FBLN5: variants seen among roughly 807,000 people sequenced by gnomAD.
The protein encoded by FBLN5 is fibulin 5.
Under a neutral mutation model 61.6 loss-of-function variants are expected in FBLN5, and 24 were observed. The observed-to-expected ratio is 0.39, with a 90% confidence interval of 0.28 to 0.55. The LOEUF (loss-of-function observed/expected upper bound fraction) is 0.55. Ranked by LOEUF, FBLN5 falls within the 20% of genes least tolerant of loss-of-function variation. The pLI is 0.65. For missense variants in FBLN5, 470 were observed against 594.1 expected, an observed-to-expected ratio of 0.79 and a Z score of 2.17; for synonymous variants, 213 against 219.8, an observed-to-expected ratio of 0.97 and a Z score of 0.27.
At chr14:91,879,321 T>C (rs2430343) in intron 9 of FBLN5, among the ~76,000 whole-genome samples, 101,789 of 152,028 alleles carry the variant, frequency 0.67, 34,498 homozygotes, top group Admixed American at 0.78. Context: ...TGGCCGGAAG[T>C]ATGTGCACAC....
chr14:91,944,859 G>C (rs754832480), intron 1 of FBLN5, among the ~76,000 whole-genome samples: 20 of 152,218 alleles, frequency 1.3e-4, no homozygotes, highest in Non-Finnish European at 2.8e-4. Context: ...GGTGAAAAGA[G>C]TTCTGGAGAT....
In FBLN5 at chr14:91,887,194, A is replaced by C; in HGVS notation, c.738T>G (p.Ser246Arg). Residue 246 changes from serine to arginine, a missense_variant and splice_region_variant, in exon 7 of 11, where the codon AGT (serine) becomes AGG (arginine). By Grantham distance (110) the Ser-to-Arg change is moderately radical. Transcript: ENST00000342058. ...GTTTCCAATGCGAAAGCCCATTACC[A>C]CTGCAATGAACGCCATCTTCCTCAA... Reference protein sequence around the residue: ...YELEEDGVHCSDMDECSFSEF... With the variant: ...YELEEDGVHCRDMDECSFSEF... 1 of 1,613,730 alleles carries C rather than the reference A, an allele frequency of 6.2e-7. No homozygotes were observed.
chr14:91,870,479 T>C (rs1231141938), intron 10 of FBLN5, 94 bp from the exon 11 acceptor site: 17 of 1,254,592 alleles, frequency 1.4e-5, no homozygotes, highest in Middle Eastern at 2.7e-4. Context: ...TCAGTCAAAC[T>C]GGCACCCCCT....
chr14:91,875,554 C>T (rs12101175), intron 10 of FBLN5, among the ~76,000 whole-genome samples: 8,479 of 152,258 alleles, frequency 0.056, 817 homozygotes, highest in African/African-American at 0.19. Flanking sequence ...CACAAAAGCA[C>T]CCTGTGAGAG....
At chr14:91,894,893 GC>G (rs1890156422) in intron 5 of FBLN5, 56 bp downstream of exon 5, 29 of 1,338,864 alleles carry the variant, frequency 2.2e-5, no homozygotes, top group Non-Finnish European at 2.9e-5. Flanking sequence ...ACCTCAAAAT[GC>G]CCCTGGCAAC....
intron 9 of FBLN5, chr14:91,878,037 C>CA (rs1212818309): frequency 7.1e-6 from 3 of 420,200 alleles, no homozygotes; most frequent in South Asian, 3.5e-5. Context: ...GACCCTGTCT[C>CA]AAAAAAACAA....
At chr14:91,880,106 T>C (rs1889350388) in intron 9 of FBLN5, among the ~76,000 whole-genome samples, 3 of 152,190 alleles carry the variant, frequency 2.0e-5, no homozygotes, top group Admixed American at 2.0e-4. Flanking sequence ...TTTAGTAAAA[T>C]GTTGACCAAG....
At chr14:91,894,322 G>C (rs1430101061) in intron 5 of FBLN5, among the ~76,000 whole-genome samples, 3 of 128,994 alleles carry the variant, frequency 2.3e-5, no homozygotes, top group African/African-American at 5.8e-5. Context: ...AGAATCACTT[G>C]AACCCAGGAG....
chr14:91,908,061 A>C (rs2160079), intron 4 of FBLN5, among the ~76,000 whole-genome samples: 130,870 of 152,206 alleles, frequency 0.86, 56,841 homozygotes, highest in Admixed American at 0.93. Flanking sequence ...TAAGTGCCTG[A>C]TCAATTGGGT....
intron 1 of FBLN5, chr14:91,946,602 G>A (rs2056188646): frequency 2.3e-6 from 2 of 856,140 alleles, no homozygotes; most frequent in African/African-American, 1.7e-5. Flanking sequence ...GTTTTCAAGA[G>A]CTCGCTGAAT....
At chr14:91,903,663 TCCCAGAG>T (rs1890554249) in intron 4 of FBLN5, among the ~76,000 whole-genome samples, 1 of 151,992 alleles carries the variant, frequency 6.6e-6, no homozygotes, top group Admixed American at 6.6e-5. Context: ...AGCGCTCCAT[TCCCAGAG>T]CCCTGTCTCG....
At chr14:91,926,403 G>A (rs1424481552) in intron 4 of FBLN5, among the ~76,000 whole-genome samples, 1 of 152,200 alleles carries the variant, frequency 6.6e-6, no homozygotes, top group African/African-American at 2.4e-5. Context: ...GCACCGCGTG[G>A]CCTGTGTGGT....
chr14:91,925,102 A>G (rs2055805719), intron 4 of FBLN5, among the ~76,000 whole-genome samples: 1 of 150,718 alleles, frequency 6.6e-6, no homozygotes, highest in South Asian at 2.1e-4. Context: ...GGACGTGTTA[A>G]GACCTGTGAA....
chr14:91,892,235 T>C (rs1890026864), intron 5 of FBLN5, among the ~76,000 whole-genome samples: 1 of 152,112 alleles, frequency 6.6e-6, no homozygotes, highest in Non-Finnish European at 1.5e-5. Flanking sequence ...GTGAATGAAA[T>C]CACCGGCCTC....
At chr14:91,905,285 A>G (rs1890635144) in intron 4 of FBLN5, among the ~76,000 whole-genome samples, 1 of 152,138 alleles carries the variant, frequency 6.6e-6, no homozygotes, top group Admixed American at 6.5e-5. Flanking sequence ...TCTAAAATGG[A>G]ACTCCTATCA....
rs1427099089 is a variant in FBLN5, at chr14:91,869,750, C to T, written c.*474G>A. 1 of 215,444 alleles carries T rather than the reference C, an allele frequency of 4.6e-6. No individual in the cohort carries two copies. The highest frequency in any genetic ancestry group is 9.5e-6 in the Non-Finnish European group (1 of 105,546). The allele number at this position is 215,444 out of a possible 1,614,324, so 13.3% of individuals were successfully genotyped here. A position where few individuals can be genotyped will look rare whatever the true frequency, so the allele number is the denominator to read the frequency against. ...ATCCTGCTGTGGTTTGTTTACATAG[C>T]CTTCTCTGTGTACGCAAAAAGCAAA... On this transcript the variant is annotated 3_prime_UTR_variant, in exon 11 of 11. Coordinates refer to ENST00000342058, the MANE Select transcript of FBLN5 (RefSeq NM_006329.4).
At chr14:91,946,822 G>A in intron 1 of FBLN5, 2 of 1,531,078 alleles carry the variant, frequency 1.3e-6, no homozygotes, top group Non-Finnish European at 1.7e-6. Flanking sequence ...CTGTCTGCTT[G>A]TCTATCAGCC....
At chr14:91,940,167 T>G (rs913251200) in intron 3 of FBLN5, among the ~76,000 whole-genome samples, 3 of 152,164 alleles carry the variant, frequency 2.0e-5, no homozygotes, top group African/African-American at 7.2e-5. Context: ...AAGTCTCCCT[T>G]AGAGCCTCCA....
intron 4 of FBLN5, among the ~76,000 whole-genome samples, chr14:91,920,535 C>T (rs563958439): frequency 5.3e-5 from 8 of 152,240 alleles, no homozygotes; most frequent in Non-Finnish European, 1.0e-4. Flanking sequence ...CTTTATTCAG[C>T]GCTGCCAATG....
Sources: allele counts gnomAD v4.1 joint callset (sites outside exome capture counted in the v4.1 genomes callset), GRCh38; gene constraint gnomAD v4.1.1; transcripts MANE v1.5; gene names NCBI Gene and HGNC (gene_info 2026-07-23, HGNC 2026-07-21).